DCT: variants seen among roughly 807,000 people sequenced by gnomAD.
DCT encodes L-dopachrome tautomerase.
Under a neutral mutation model 53.0 loss-of-function variants are expected in DCT, and 47 were observed. The observed-to-expected ratio is 0.89, with a 90% CI of 0.70 to 1.13. The LOEUF (loss-of-function observed/expected upper bound fraction) is 1.13. Ranked by LOEUF, DCT falls within the 50% of genes most tolerant of loss-of-function variation. DCT has a pLI of 0.00. For missense variants in DCT, 669 were observed against 637.4 expected (o/e 1.05, Z -0.53); for synonymous variants, 244 against 237.0 (o/e 1.03, Z -0.27).
chr13:94,498,856 T>C, the DCT span, among the ~76,000 whole-genome samples: 3 of 152,298 alleles, frequency 2.0e-5, no homozygotes, highest in Non-Finnish European at 4.4e-5. Flanking sequence ...TATGTCTAGC[T>C]AAAGGATTGT....
chr13:94,532,834 C>CA, the DCT span, among the ~76,000 whole-genome samples: 1 of 152,192 alleles, frequency 6.6e-6, no homozygotes, highest in Non-Finnish European at 1.5e-5. Context: ...GGGGGCTCCA[C>CA]AGCAAACTGC....
chr13:94,522,415 C>T, the DCT span, among the ~76,000 whole-genome samples: 8 of 152,156 alleles, frequency 5.3e-5, no homozygotes, highest in African/African-American at 1.2e-4. Context: ...TTTTAGAACT[C>T]GGACTGGCTC....
chr13:94,547,732 G>A, the DCT span, among the ~76,000 whole-genome samples: 16 of 151,742 alleles, frequency 1.1e-4, 2 homozygotes, highest in South Asian at 3.4e-3. Context: ...GCTCATGCCT[G>A]TAATCCCAGC....
chr13:94,478,968 C>G lies in DCT; in HGVS notation c.288G>C (p.Lys96Asn). The G allele has an allele frequency of 6.2e-7, 1 of 1,608,726 alleles. No individual in the cohort carries two copies. The highest frequency in any genetic ancestry group is 1.7e-5 in the Admixed American group (1 of 59,870). The change falls in exon 1 of 8, where the codon AAG becomes AAC. Residue 96 changes from lysine (K) to asparagine (N), a missense_variant. By Grantham distance (94) the Lys-to-Asn change is moderately conservative. Transcript: ENST00000377028. Reference sequence around the variant, plus strand: ...TTGGAGCATGGGCCTCACCTGTGCACTTGCAGGTCCGGTGGAAGAATTTTC... The same window carrying G: ...TTGGAGCATGGGCCTCACCTGTGCAGTTGCAGGTCCGGTGGAAGAATTTTC... ...WPRKFFHRTCKCTGNFAGYNC... is the reference protein window; with the variant it reads ...WPRKFFHRTCNCTGNFAGYNC...
At chr13:94,458,319 A>C (rs1883541077) in intron 6 of DCT, among the ~76,000 whole-genome samples, 1 of 152,022 alleles carries the variant, frequency 6.6e-6, no homozygotes, top group African/African-American at 2.4e-5. Context: ...TCCAACACCC[A>C]CTGGCTGAGA....
chr13:94,447,465 C>T (rs1192589559), intron 6 of DCT, among the ~76,000 whole-genome samples: 1 of 152,212 alleles, frequency 6.6e-6, no homozygotes, highest in Non-Finnish European at 1.5e-5. Context: ...AATTGCTTAC[C>T]ATCCACCTGC....
chr13:94,452,378 A>C (rs1883152601), intron 6 of DCT, among the ~76,000 whole-genome samples: 1 of 152,178 alleles, frequency 6.6e-6, no homozygotes, highest in African/African-American at 2.4e-5. Context: ...AATTTGCTAA[A>C]ATGCCTTTTC....
chr13:94,460,867 G>C (rs1883737337), intron 5 of DCT, among the ~76,000 whole-genome samples: 1 of 152,152 alleles, frequency 6.6e-6, no homozygotes, highest in Admixed American at 6.5e-5. Flanking sequence ...GTCCAAAAAG[G>C]GGATGGTAGA....
At chr13:94,523,834 T>C in the DCT span, among the ~76,000 whole-genome samples, 4 of 152,158 alleles carry the variant, frequency 2.6e-5, no homozygotes, top group African/African-American at 9.7e-5. Flanking sequence ...CCCTGCTCCC[T>C]GGGCTGGAAA....
chr13:94,536,277 G>A, the DCT span, among the ~76,000 whole-genome samples: 3 of 152,196 alleles, frequency 2.0e-5, no homozygotes, highest in African/African-American at 7.2e-5. Context: ...ACATTGGACA[G>A]AGTAATGTTC....
chr13:94,547,707 T>G, the DCT span, among the ~76,000 whole-genome samples: 1 of 151,532 alleles, frequency 6.6e-6, no homozygotes, highest in Non-Finnish European at 1.5e-5. Context: ...TAAGAAATCT[T>G]GGCTGGGCAC....
Position 94,438,470 on chromosome 13 carries a change from T to C in DCT, c.*1428A>G. ...GGGGTAAACTGGTTCTTGATGAGTC[T>C]TGCACCCTCTAGGACCCCTTATGTT... On this transcript the variant is annotated 3_prime_UTR_variant, in exon 8 of 8. Transcript: ENST00000377028. 7.8e-6 allele frequency: 3 copies of C among 386,240 alleles called. No homozygotes were observed. Among genetic ancestry groups the C allele is most frequent in the South Asian group, 5.9e-5 (3 of 51,058 alleles). 23.9% of individuals were successfully genotyped at this position (386,240 alleles called of 1,614,324 possible).
chr13:94,468,697 C>G (rs370461336), intron 2 of DCT, 49 bp downstream of exon 2: 14 of 1,533,582 alleles, frequency 9.1e-6, no homozygotes, highest in Non-Finnish European at 1.1e-5. Context: ...TACCCTCAAC[C>G]CAATCACAAA....
chr13:94,464,653 A>G (rs1884042838), intron 4 of DCT, among the ~76,000 whole-genome samples: 1 of 151,924 alleles, frequency 6.6e-6, no homozygotes, highest in South Asian at 2.1e-4. Context: ...AAACAAAAAA[A>G]CAAAAAACAA....
chr13:94,511,163 T>C, the DCT span, among the ~76,000 whole-genome samples: 2 of 152,110 alleles, frequency 1.3e-5, no homozygotes, highest in African/African-American at 4.8e-5. Context: ...TATCAGGCCT[T>C]TCTTGATAAG....
At chr13:94,542,722 A>G in the DCT span, among the ~76,000 whole-genome samples, 8 of 152,222 alleles carry the variant, frequency 5.3e-5, no homozygotes, top group African/African-American at 1.9e-4. Context: ...GCTCTGTGAA[A>G]AGCATTTAGG....
At chr13:94,527,223 G>A in the DCT span, among the ~76,000 whole-genome samples, 5,043 of 152,274 alleles carry the variant, frequency 0.033, 110 homozygotes, top group Non-Finnish European at 0.042. Context: ...AAAAGGCAGC[G>A]AACAGTTTCT....
intron 6 of DCT, among the ~76,000 whole-genome samples, chr13:94,455,315 G>C (rs999192723): frequency 6.6e-6 from 1 of 151,860 alleles, no homozygotes; most frequent in Admixed American, 6.6e-5. Flanking sequence ...CCAGAAGTTT[G>C]AGGCTGCCGT....
chr13:94,460,977 A>T (rs1883748464), intron 5 of DCT, among the ~76,000 whole-genome samples: 1 of 152,162 alleles, frequency 6.6e-6, no homozygotes, highest in South Asian at 2.1e-4. Flanking sequence ...GCTGGACTCA[A>T]ATGTAGAGGT....
Sources: allele counts gnomAD v4.1 joint callset (sites outside exome capture counted in the v4.1 genomes callset), GRCh38; gene constraint gnomAD v4.1.1; transcripts MANE v1.5; gene names NCBI Gene and HGNC (gene_info 2026-07-23, HGNC 2026-07-21).